The following DHFR2 variants were observed in gnomAD, a reference collection of about 807,000 sequenced individuals.
The protein encoded by DHFR2 is dihydrofolate reductase 2, mitochondrial.
Under a neutral mutation model 12.0 loss-of-function variants are expected in DHFR2, and 11 were observed. That is an observed-to-expected ratio of 0.92 (90% CI 0.58 to 1.52). The LOEUF is 1.52. Ranked by LOEUF, DHFR2 falls within the 40% of genes most tolerant of loss-of-function variation. The probability of loss-of-function intolerance (pLI) is 0.00; values close to 1 mark genes in which losing one functional copy is unlikely to be tolerated. For synonymous variants in DHFR2, 87 were observed against 79.6 expected (o/e 1.09, Z -0.49); for missense variants, 188 against 221.2 (o/e 0.85, Z 0.95).
Position 94,061,259 on chromosome 3 carries a change from G to T in DHFR2, c.253C>A (p.Gln85Lys), listed in dbSNP as rs573628962. 6.2e-7 allele frequency: 1 copy of T among 1,613,966 alleles called. No homozygotes were observed. The highest frequency in any genetic ancestry group is 1.7e-5 in the Admixed American group (1 of 60,012). The part of the protein sequence containing the change: ...VLSRELKEPP[Q>K]GAHFLARSLD... ...CTTCTGGCAAGAAAATGAGCTCCTT[G>T]TGGAGGTTCCTTGAGTTCTCTGCTG... Residue 85 changes from glutamine to lysine, a missense_variant, in exon 2 of 2, where the codon CAA becomes AAA. Gln to Lys is a moderately conservative substitution (Grantham distance 53, BLOSUM62 1). Transcript: ENST00000314636.
Position 94,061,118 on chromosome 3 carries a change from G to C in DHFR2, c.394C>G (p.Leu132Val). The C allele has an allele frequency of 6.2e-7, 1 of 1,613,910 alleles. No individual in the cohort carries two copies. Among genetic ancestry groups the C allele is most frequent in the Admixed American group, 1.7e-5 (1 of 60,008 alleles). The change falls in exon 2 of 2, where the codon CTT becomes GTT. Residue 132 changes from leucine (L) to valine (V), a missense_variant. Physicochemically the swap from Leu to Val is conservative, Grantham distance 32. Transcript: ENST00000314636. ...ATGATCCTTGTCACAAATAGTTTAA[G>C]ATGGCCTAGGTGATTCATGGCTTCC... ...YKEAMNHLGH[L>V]KLFVTRIMQD...
Position 94,061,501 on chromosome 3 carries a change from A to C in DHFR2, c.11T>G (p.Leu4Trp). The change falls in exon 2 of 2, where the codon TTG (leucine) becomes TGG (tryptophan). Residue 4 changes from leucine to tryptophan, a missense_variant. Physicochemically the swap from Leu to Trp is moderately conservative, Grantham distance 61. Coordinates refer to ENST00000314636, the MANE Select transcript of DHFR2 (RefSeq NM_176815.5). MFL[L>W]LNCIVAVSQN... ...GGACACAGCGACGATGCAGTTTAGCAAAAGAAACATGACAGCAGCGGTTAA... is the reference window on the plus strand; with the variant it reads ...GGACACAGCGACGATGCAGTTTAGCCAAAGAAACATGACAGCAGCGGTTAA... 1 of 1,614,018 alleles carries C rather than the reference A, an allele frequency of 6.2e-7. No homozygotes were observed. Among genetic ancestry groups the C allele is most frequent in the Non-Finnish European group, 8.5e-7 (1 of 1,179,892 alleles).
upstream of DHFR2, chr3:94,063,133 A>T: frequency 6.2e-7 from 1 of 1,613,914 alleles, no homozygotes; most frequent in Non-Finnish European, 8.5e-7. Flanking sequence ...GACAATGCTG[A>T]CCCAGGTGAG....
chr3:94,063,114 T>C, upstream of DHFR2: 1 of 1,613,952 alleles, frequency 6.2e-7, no homozygotes. Context: ...GTTTGAAAGC[T>C]CTCAGCGGGA....
Position 94,058,163 on chromosome 3 carries a change from C to T in DHFR2, c.*2785G>A, listed in dbSNP as rs547829415. On this transcript the variant is annotated 3_prime_UTR_variant, in exon 2 of 2. Coordinates refer to ENST00000314636, the MANE Select transcript of DHFR2 (RefSeq NM_176815.5). The stretch of plus-strand genomic sequence containing the variant: ...AAAATGGTTAAGTAAAATCAAATGG[C>T]TCCAAAAGTCTTACAATGAAAACAG... The T allele has an allele frequency of 1.9e-4, 29 of 152,122 alleles. No homozygotes were observed. Among genetic ancestry groups the T allele is most frequent in the Admixed American group, 1.8e-3 (27 of 15,274 alleles). The allele number at this position is 152,122 out of a possible 1,614,324, so 9.4% of individuals were successfully genotyped here. A position where few individuals can be genotyped will look rare whatever the true frequency, so the allele number is the denominator to read the frequency against.
rs1453037868 is a variant in DHFR2, at chr3:94,060,018, T to C, written c.*930A>G. 1 of 151,442 alleles carries C rather than the reference T, an allele frequency of 6.6e-6. No homozygotes were observed. Among genetic ancestry groups the C allele is most frequent in the African/African-American group, 2.4e-5 (1 of 41,176 alleles). The allele number at this position is 151,442 out of a possible 1,614,324, so 9.4% of individuals were successfully genotyped here. Reference sequence around the variant, plus strand: ...GTTGCCGTGAGCCAAGGTTGTTCCATTGCACTCCGCCTGGGCAACAAGAGT... The same window carrying C: ...GTTGCCGTGAGCCAAGGTTGTTCCACTGCACTCCGCCTGGGCAACAAGAGT... On this transcript the variant is annotated 3_prime_UTR_variant, in exon 2 of 2. Transcript: ENST00000314636.
rs544415791 is a variant in DHFR2, at chr3:94,062,904, A to G, written c.-254T>C. The stretch of plus-strand genomic sequence containing the variant: ...TGGGAAGTATCAGCCTTTACCAGCT[A>G]CCGGAAGTAACTGCGCACGAAATCT... On this transcript the variant is annotated 5_prime_UTR_variant, in exon 1 of 2. Transcript: ENST00000314636. The G allele has an allele frequency of 9.2e-6, 5 of 543,808 alleles. No individual in the cohort carries two copies. In the East Asian group the frequency reaches 1.5e-4, roughly 16 times the overall value. 33.7% of individuals were successfully genotyped at this position (543,808 alleles called of 1,614,324 possible).
chr3:94,061,764 G>T (rs1354481378), intron 1 of DHFR2, among the ~76,000 whole-genome samples, 158 bp from the exon 2 acceptor site: 4 of 150,970 alleles, frequency 2.6e-5, no homozygotes, highest in African/African-American at 9.7e-5. Flanking sequence ...GAGGCTGAAA[G>T]GTTAGACCGA....
upstream of DHFR2, chr3:94,063,160 G>T (rs770595392): frequency 4.8e-5 from 77 of 1,613,604 alleles, 6 homozygotes; most frequent in South Asian, 8.5e-4. Context: ...GGCCCGGCTG[G>T]GTACCTCTAT....
In DHFR2 at chr3:94,062,728, C is replaced by A; in HGVS notation, c.-96+18G>T. The A allele has an allele frequency of 3.9e-6, 1 of 257,742 alleles. No individual in the cohort carries two copies. 16.0% of individuals were successfully genotyped at this position (257,742 alleles called of 1,614,324 possible). A position where few individuals can be genotyped will look rare whatever the true frequency, so the allele number is the denominator to read the frequency against. The stretch of plus-strand genomic sequence containing the variant: ...GGGTCACTGCAACCTCAAACTTCTG[C>A]CCAAGCGATCCTCCCACCTCAGCAT... On this transcript the variant is annotated intron_variant, in intron 1 of 1. Coordinates refer to ENST00000314636, the MANE Select transcript of DHFR2 (RefSeq NM_176815.5).
upstream of DHFR2, chr3:94,062,955 A>G (rs540217653): frequency 8.7e-6 from 6 of 686,800 alleles, no homozygotes; most frequent in Admixed American, 2.6e-5. Flanking sequence ...CCTCTTCGAC[A>G]AGAATTCTAT....
chr3:94,063,186 C>T, upstream of DHFR2: 2 of 1,606,846 alleles, frequency 1.2e-6, no homozygotes, highest in Non-Finnish European at 1.7e-6. Context: ...TGAGACGCTT[C>T]TGGACGCGGC....
chr3:94,061,676 T>TA, intron 1 of DHFR2, 70 bp from the exon 2 acceptor site: 1 of 859,104 alleles, frequency 1.2e-6, no homozygotes, highest in Middle Eastern at 4.9e-4. Flanking sequence ...GAAAAATAAA[T>TA]TATATAAAAT....
At chr3:94,063,138 G>A (rs749434221), upstream of DHFR2, 9 of 1,614,074 alleles carry the variant, frequency 5.6e-6, no homozygotes, top group South Asian at 5.5e-5. Context: ...TGCTGACCCA[G>A]GTGAGACCTG....
At position 94,060,199 on chromosome 3, in the gene DHFR2, C is replaced by G. The variant is rs907493850; in HGVS notation, c.*749G>C. 6.6e-6 allele frequency: 1 copy of G among 152,256 alleles called. No individual in the cohort carries two copies. Among genetic ancestry groups the G allele is most frequent in the East Asian group, 1.9e-4 (1 of 5,196 alleles). The allele number at this position is 152,256 out of a possible 1,614,324, so 9.4% of individuals were successfully genotyped here. On this transcript the variant is annotated 3_prime_UTR_variant, in exon 2 of 2. Coordinates refer to ENST00000314636, the MANE Select transcript of DHFR2 (RefSeq NM_176815.5). ...AACTTGCTATTGAGTAGGTGGAGTACGTTCTGCCCACACACAGGACAGGGA... is the reference window on the plus strand; with the variant it reads ...AACTTGCTATTGAGTAGGTGGAGTAGGTTCTGCCCACACACAGGACAGGGA...
upstream of DHFR2, chr3:94,063,214 G>T (rs955370611): frequency 2.1e-6 from 3 of 1,432,736 alleles, no homozygotes; most frequent in African/African-American, 4.2e-5. Flanking sequence ...GCGAGGGAGG[G>T]TGCTGGGATG....
chr3:94,063,141 G>C (rs2077187624), upstream of DHFR2: 1 of 1,613,984 alleles, frequency 6.2e-7, no homozygotes, highest in South Asian at 1.1e-5. Flanking sequence ...TGACCCAGGT[G>C]AGACCTGGGG....
At position 94,059,518 on chromosome 3, in the gene DHFR2, T is replaced by C. The variant is rs1293446869; in HGVS notation, c.*1430A>G. ...CCTGGCCAGTTTTTAATTCTCTCTC[T>C]ACTTCTTTCATTTCTCAAAGGCATC... On this transcript the variant is annotated 3_prime_UTR_variant, in exon 2 of 2. Coordinates refer to ENST00000314636, the MANE Select transcript of DHFR2 (RefSeq NM_176815.5). 6.6e-6 allele frequency: 1 copy of C among 152,222 alleles called. No homozygotes were observed. The highest frequency in any genetic ancestry group is 2.4e-5 in the African/African-American group (1 of 41,444). 9.4% of individuals were successfully genotyped at this position (152,222 alleles called of 1,614,324 possible).
chr3:94,060,859 G>T lies in DHFR2; in HGVS notation c.*89C>A. ...CTTAGAAATAATTATCCATAGATCT[G>T]AAGTCAACAAAAGTCCCTTTTCTAA... On this transcript the variant is annotated 3_prime_UTR_variant, in exon 2 of 2. Coordinates refer to ENST00000314636, the MANE Select transcript of DHFR2 (RefSeq NM_176815.5). 1 of 1,392,976 alleles carries T rather than the reference G, an allele frequency of 7.2e-7. No individual in the cohort carries two copies. Among genetic ancestry groups the T allele is most frequent in the South Asian group, 1.4e-5 (1 of 73,502 alleles). The allele number at this position is 1,392,976 out of a possible 1,614,324, so 86.3% of individuals were successfully genotyped here.
Sources: gnomAD v4.1 joint callset for allele counts (sites outside exome capture counted in the v4.1 genomes callset) on GRCh38, gnomAD v4.1.1 for gene constraint, MANE v1.5 for transcripts, NCBI Gene and HGNC (gene_info 2026-07-23, HGNC 2026-07-21) for gene names.